The following GALNT13 variants were observed in gnomAD, a reference collection of about 807,000 sequenced individuals.
GALNT13 encodes polypeptide N-acetylgalactosaminyltransferase 13.
Under a neutral mutation model 64.2 loss-of-function variants are expected in GALNT13, and 28 were observed. That is an observed-to-expected ratio of 0.44 (90% CI 0.32 to 0.60). GALNT13 has a LOEUF of 0.60. GALNT13 is among the 20% of genes least tolerant of loss of function. The pLI is 0.05. For missense variants in GALNT13, 577 were observed against 669.8 expected (o/e 0.86, Z 1.53); for synonymous variants, 214 against 224.6 (o/e 0.95, Z 0.42).
intron 3 of GALNT13, among the ~76,000 whole-genome samples, chr2:154,028,003 T>G (rs2105298465): frequency 6.6e-6 from 1 of 152,228 alleles, no homozygotes; most frequent in East Asian, 1.9e-4. Flanking sequence ...CAATTTTGGC[T>G]TTTGCTCTCA....
the GALNT13 span, among the ~76,000 whole-genome samples, chr2:153,328,494 GC>G: frequency 6.6e-6 from 1 of 152,196 alleles, no homozygotes; most frequent in Admixed American, 6.5e-5. Flanking sequence ...TTTCAGAGAT[GC>G]CCTGCCCAGA....
At chr2:153,214,236 A>C in the GALNT13 span, among the ~76,000 whole-genome samples, 1 of 152,300 alleles carries the variant, frequency 6.6e-6, no homozygotes, top group East Asian at 1.9e-4. Flanking sequence ...TTCCTCAGCA[A>C]TGGTAGACTC....
the GALNT13 span, among the ~76,000 whole-genome samples, chr2:153,195,199 G>T: frequency 6.6e-6 from 1 of 152,040 alleles, no homozygotes; most frequent in South Asian, 2.1e-4. Flanking sequence ...ATAGTGTTAC[G>T]GGATCTTTGG....
At chr2:154,446,627 T>C in intron 12 of GALNT13, 1 of 1,548,642 alleles carries the variant, frequency 6.5e-7, no homozygotes, top group South Asian at 1.2e-5. Context: ...AAGTAGCTGA[T>C]GGCTCCCAGC....
At chr2:153,222,500 G>A in the GALNT13 span, among the ~76,000 whole-genome samples, 1 of 152,092 alleles carries the variant, frequency 6.6e-6, no homozygotes, top group Non-Finnish European at 1.5e-5. Flanking sequence ...GCCATCCCTG[G>A]CTTGAAGATG....
chr2:154,266,161 C>T (rs184140162), intron 8 of GALNT13, among the ~76,000 whole-genome samples: 1 of 152,204 alleles, frequency 6.6e-6, no homozygotes, highest in Middle Eastern at 3.4e-3. Context: ...AGCAAAAAAA[C>T]CTACACATAT....
chr2:153,735,800 G>T, the GALNT13 span, among the ~76,000 whole-genome samples: 1 of 152,108 alleles, frequency 6.6e-6, no homozygotes, highest in Admixed American at 6.5e-5. Flanking sequence ...ATTTATTTTG[G>T]ACAGGAATGT....
At chr2:153,998,255 C>T (rs1380628676) in intron 3 of GALNT13, among the ~76,000 whole-genome samples, 2 of 152,110 alleles carry the variant, frequency 1.3e-5, no homozygotes, top group East Asian at 3.9e-4. Context: ...TTTACAGTCC[C>T]ACCAATAGTG....
At chr2:153,683,025 GA>G in the GALNT13 span, among the ~76,000 whole-genome samples, 1 of 151,212 alleles carries the variant, frequency 6.6e-6, no homozygotes, top group African/African-American at 2.4e-5. Context: ...GAATGATTAG[GA>G]AAAAAAAGGA....
intron 8 of GALNT13, among the ~76,000 whole-genome samples, chr2:154,289,760 C>G (rs934788956): frequency 1.3e-5 from 2 of 152,202 alleles, no homozygotes; most frequent in African/African-American, 4.8e-5. Context: ...CACCCAGTCT[C>G]TTGGGATTCA....
the GALNT13 span, among the ~76,000 whole-genome samples, chr2:153,818,016 G>A: frequency 4.6e-5 from 7 of 152,078 alleles, no homozygotes. Context: ...AGATCATGCT[G>A]GGATTTACCA....
intron 3 of GALNT13, among the ~76,000 whole-genome samples, chr2:154,108,068 G>T (rs931548531): frequency 3.9e-5 from 6 of 152,012 alleles, no homozygotes; most frequent in African/African-American, 9.7e-5. Context: ...ATACATGGGG[G>T]TGCCGACATT....
chr2:153,352,028 C>A, the GALNT13 span, among the ~76,000 whole-genome samples: 2 of 152,170 alleles, frequency 1.3e-5, no homozygotes, highest in African/African-American at 4.8e-5. Context: ...TTGTAAGAAG[C>A]TGCCAAACTG....
intron 1 of GALNT13, among the ~76,000 whole-genome samples, chr2:153,876,907 C>A (rs1007768356): frequency 1.3e-5 from 2 of 152,126 alleles, no homozygotes; most frequent in Non-Finnish European, 2.9e-5. Flanking sequence ...GGCTCAACTT[C>A]ATTCAATGTC....
At chr2:153,900,810 C>A (rs889032094) in intron 1 of GALNT13, 126 bp from the exon 2 acceptor site, 1 of 152,092 alleles carries the variant, frequency 6.6e-6, no homozygotes, top group East Asian at 1.9e-4. Flanking sequence ...GATATATGGT[C>A]TACATTTTGT....
At chr2:153,967,922 C>T (rs1693481458) in intron 3 of GALNT13, among the ~76,000 whole-genome samples, 1 of 152,064 alleles carries the variant, frequency 6.6e-6, no homozygotes, top group African/African-American at 2.4e-5. Context: ...CTTCAGAAAT[C>T]TTCCTGATAA....
At chr2:154,200,426 A>T (rs1243154467) in intron 4 of GALNT13, among the ~76,000 whole-genome samples, 1 of 152,132 alleles carries the variant, frequency 6.6e-6, no homozygotes, top group Non-Finnish European at 1.5e-5. Context: ...ATTTCCCATG[A>T]AGATTGTCTT....
the GALNT13 span, among the ~76,000 whole-genome samples, chr2:153,679,689 C>A: frequency 6.6e-6 from 1 of 151,768 alleles, no homozygotes; most frequent in African/African-American, 2.4e-5. Context: ...AATCTTCCAC[C>A]TTTTTAAAAA....
At chr2:153,981,617 T>C (rs983372171) in intron 3 of GALNT13, among the ~76,000 whole-genome samples, 10 of 152,134 alleles carry the variant, frequency 6.6e-5, no homozygotes, top group African/African-American at 1.7e-4. Flanking sequence ...CAGTCTATCA[T>C]TGATGGACAT....
Sources: gnomAD v4.1 joint callset for allele counts (sites outside exome capture counted in the v4.1 genomes callset) on GRCh38, gnomAD v4.1.1 for gene constraint, MANE v1.5 for transcripts, NCBI Gene and HGNC (gene_info 2026-07-23, HGNC 2026-07-21) for gene names.